Variants in CSMD2 observed in about 807,000 individuals in gnomAD.
CSMD2 encodes CUB and Sushi multiple domains 2, also known as CUB and sushi domain-containing protein 2.
Under a neutral mutation model 398.5 loss-of-function variants are expected in CSMD2, and 130 were observed. The observed-to-expected ratio is 0.33, with a 90% CI of 0.28 to 0.38. The LOEUF (loss-of-function observed/expected upper bound fraction) is 0.38, where lower values mean the gene tolerates loss of function less well. Among genes scored for constraint, CSMD2 ranks in the 10% least tolerant of loss-of-function variants. The pLI, the probability that CSMD2 is intolerant of heterozygous loss-of-function variation, is 1.00. For synonymous variants in CSMD2, 1,828 were observed against 1,908.5 expected (o/e 0.96, Z 1.10); for missense variants, 3,829 against 4,764.9 (o/e 0.80, Z 5.78).
In CSMD2 at chr1:33,518,641, T is replaced by A. The variant is rs1653978275; in HGVS notation, c.*53+824A>T. 6.6e-6 allele frequency among the ~76,000 whole-genome samples: 1 copy of A among 152,172 alleles called. No homozygotes were observed. The highest frequency in any genetic ancestry group is 6.5e-5 in the Admixed American group (1 of 15,280). On this transcript the variant is annotated intron_variant, in intron 70 of 70. Transcript: ENST00000373381. The surrounding 1 kb of genome is among the most constrained non-coding windows in gnomAD (Gnocchi z 4.3). ...CATAATGTGTGTGGGCCTCGTTCAA[T>A]CAGCTGAAGGCCTTAAGAAAAAGAC...
chr1:33,557,962 G>C, intron 54 of CSMD2, 40 bp from the exon 55 acceptor site: 4 of 1,505,894 alleles, frequency 2.7e-6, no homozygotes, highest in South Asian at 2.4e-5. Flanking sequence ...TGGATTCCCA[G>C]TATAGTAAAA....
At chr1:33,643,354 T>C (rs1360607394) in intron 29 of CSMD2, among the ~76,000 whole-genome samples, 1 of 152,236 alleles carries the variant, frequency 6.6e-6, no homozygotes, top group Non-Finnish European at 1.5e-5. Flanking sequence ...GCTCACACTT[T>C]ACATCTTCAG....
At chr1:33,629,001 T>G (rs566494456) in intron 32 of CSMD2, among the ~76,000 whole-genome samples, 2 of 151,282 alleles carry the variant, frequency 1.3e-5, no homozygotes, top group South Asian at 4.2e-4. Context: ...TTATATCCCA[T>G]GTCAAAAGGA....
intron 3 of CSMD2, among the ~76,000 whole-genome samples, chr1:33,956,207 TA>T (rs57869140): frequency 0.081 from 11,521 of 142,460 alleles, 845 homozygotes; most frequent in African/African-American, 0.2. Flanking sequence ...CTTAAAGTAT[TA>T]AAAAAAAAAA....
chr1:33,807,163 A>C (rs945585447), intron 10 of CSMD2, among the ~76,000 whole-genome samples: 3 of 152,218 alleles, frequency 2.0e-5, no homozygotes, highest in Non-Finnish European at 2.9e-5. Context: ...CCCAGAAGAC[A>C]CCAGAACAAT....
chr1:33,648,182 G>A (rs1195344432), intron 28 of CSMD2, among the ~76,000 whole-genome samples: 1 of 152,036 alleles, frequency 6.6e-6, no homozygotes, highest in Non-Finnish European at 1.5e-5. Flanking sequence ...CTAACACGGT[G>A]AAACCCCGTC....
chr1:33,891,770 A>G (rs1472448922), intron 5 of CSMD2, among the ~76,000 whole-genome samples: 1 of 151,676 alleles, frequency 6.6e-6, no homozygotes, highest in African/African-American at 2.4e-5. Context: ...GAAATTGGAA[A>G]TCATCATTCC....
chr1:33,693,313 G>C (rs1440546566), intron 24 of CSMD2, among the ~76,000 whole-genome samples: 2 of 152,206 alleles, frequency 1.3e-5, no homozygotes, highest in Non-Finnish European at 2.9e-5. Context: ...TTTCTCCAAA[G>C]AGGATATATA....
chr1:33,632,752 A>C (rs1166580190), intron 32 of CSMD2, among the ~76,000 whole-genome samples: 2 of 152,212 alleles, frequency 1.3e-5, no homozygotes, highest in African/African-American at 4.8e-5. Flanking sequence ...TAGATATTCT[A>C]AAGTAACAGA....
intron 25 of CSMD2, among the ~76,000 whole-genome samples, chr1:33,676,805 A>G (rs949211695): frequency 2.6e-5 from 4 of 152,220 alleles, no homozygotes; most frequent in African/African-American, 7.2e-5. Context: ...AAATAATGCC[A>G]CATATTTACA....
At chr1:33,784,471 AC>A (rs1368912921) in intron 12 of CSMD2, among the ~76,000 whole-genome samples, 2 of 152,188 alleles carry the variant, frequency 1.3e-5, no homozygotes, top group East Asian at 3.9e-4. Flanking sequence ...AAAGTGGCCC[AC>A]CCAACTTAGC....
intron 3 of CSMD2, among the ~76,000 whole-genome samples, chr1:34,024,952 C>CA (rs1403614085): frequency 6.6e-6 from 1 of 152,184 alleles, no homozygotes; most frequent in African/African-American, 2.4e-5. Flanking sequence ...CAGGAAAAAA[C>CA]AAAACCAGGA....
chr1:33,858,767 C>T (rs994081695), intron 5 of CSMD2, among the ~76,000 whole-genome samples: 14 of 152,174 alleles, frequency 9.2e-5, no homozygotes, highest in African/African-American at 3.4e-4. Flanking sequence ...ATCCCTCAAA[C>T]ACTGTTCATC....
Position 34,163,656 on chromosome 1 carries a change from C to CAAAACA in CSMD2, c.187+1249_187+1254dup, listed in dbSNP as rs560064420. ...TCGGTGGTTTCAAAACAAAACAAAACAAAACAAAAACAAAAACAAAAAAGA... is the reference window on the plus strand; with the variant it reads ...TCGGTGGTTTCAAAACAAAACAAAACAAAACAAAAACAAAAACAAAAACAAAAAAGA... On this transcript the variant is annotated intron_variant, in intron 1 of 70. Coordinates refer to ENST00000373381, the MANE Select transcript of CSMD2 (RefSeq NM_001281956.2). The surrounding 1 kb of genome is among the most constrained non-coding windows in gnomAD (Gnocchi z 5.4). Among the ~76,000 whole-genome samples the CAAAACA allele has an allele frequency of 5.2e-4, 79 of 152,128 alleles. No individual in the cohort carries two copies. Among genetic ancestry groups the CAAAACA allele is most frequent in the African/African-American group, 1.6e-3 (65 of 41,530 alleles).
chr1:33,974,303 ATG>A (rs1393098483), intron 3 of CSMD2, among the ~76,000 whole-genome samples: 8 of 152,166 alleles, frequency 5.3e-5, no homozygotes, highest in Non-Finnish European at 1.2e-4. Context: ...CAAATCTCAC[ATG>A]GTTCCAGAAA....
chr1:33,610,941 G>T, intron 41 of CSMD2, 100 bp downstream of exon 41: 1 of 1,161,348 alleles, frequency 8.6e-7, no homozygotes, highest in Non-Finnish European at 1.3e-6. Flanking sequence ...CACCCCTTAT[G>T]GTGTTCTGTT....
intron 3 of CSMD2, among the ~76,000 whole-genome samples, chr1:33,953,483 G>A (rs1243163214): frequency 6.6e-6 from 1 of 152,120 alleles, no homozygotes; most frequent in Non-Finnish European, 1.5e-5. Flanking sequence ...GCTGACCCAG[G>A]AACCTGCCCT....
At chr1:33,657,334 T>C (rs747940520) in intron 27 of CSMD2, among the ~76,000 whole-genome samples, 3 of 152,046 alleles carry the variant, frequency 2.0e-5, no homozygotes, top group Non-Finnish European at 4.4e-5. Flanking sequence ...ATTTGCTGGG[T>C]GTGGTGGCAC....
rs1656496577 is a variant in CSMD2, at chr1:33,542,913, A to G, written c.9101-17T>C. ...AAGAGATCACTAGGAAGACAAAAAT[A>G]CACATTATTCACCAGAACAATGGTG... is the stretch of plus-strand genomic sequence containing the variant. On this transcript the variant is annotated splice_polypyrimidine_tract_variant and intron_variant, in intron 57 of 70. Transcript: ENST00000373381. 6.2e-7 allele frequency: 1 copy of G among 1,611,732 alleles called. No homozygotes were observed. Among genetic ancestry groups the G allele is most frequent in the Non-Finnish European group, 8.5e-7 (1 of 1,178,512 alleles).
Sources: allele counts gnomAD v4.1 joint callset (sites outside exome capture counted in the v4.1 genomes callset), GRCh38; gene constraint gnomAD v4.1.1; non-coding constraint Gnocchi (gnomAD v3.1); transcripts MANE v1.5; gene names NCBI Gene and HGNC (gene_info 2026-07-23, HGNC 2026-07-21).